Variants in CCDC51 observed in about 807,000 individuals in gnomAD.
CCDC51 encodes the protein mitochondrial potassium channel.
CCDC51 carries 25 observed loss-of-function variants against 24.8 expected under a neutral mutation model. The ratio of observed to expected loss-of-function variants is 1.01; its 90% CI spans 0.73 to 1.41. The LOEUF is 1.41. Among genes scored for constraint, CCDC51 ranks in the 40% most tolerant of loss-of-function variants. The probability of loss-of-function intolerance (pLI) is 0.00; values close to 1 mark genes in which losing one functional copy is unlikely to be tolerated. For missense variants in CCDC51, 466 were observed against 519.1 expected, an observed-to-expected ratio of 0.90 and a Z score of 0.99; for synonymous variants, 190 against 204.3, an observed-to-expected ratio of 0.93 and a Z score of 0.60.
At position 48,432,266 on chromosome 3, in the gene CCDC51, G is replaced by T; in HGVS notation, c.*142C>A. ...GAACCTTGTCTACAAAGCGAAGCATGCCTGCTGGTGAGCCACACAGATACT... is the reference window on the plus strand; with the variant it reads ...GAACCTTGTCTACAAAGCGAAGCATTCCTGCTGGTGAGCCACACAGATACT... On this transcript the variant is annotated 3_prime_UTR_variant, in exon 4 of 4. Coordinates refer to ENST00000395694, the MANE Select transcript of CCDC51 (RefSeq NM_001256964.2). 1 of 884,290 alleles carries T rather than the reference G, an allele frequency of 1.1e-6. No individual in the cohort carries two copies. The highest frequency in any genetic ancestry group is 1.7e-6 in the Non-Finnish European group (1 of 589,898). 54.8% of individuals were successfully genotyped at this position (884,290 alleles called of 1,614,324 possible). A position where few individuals can be genotyped will look rare whatever the true frequency, so the allele number is the denominator to read the frequency against.
At chr3:48,440,956 C>T (rs1426124727), upstream of CCDC51, 4 of 434,356 alleles carry the variant, frequency 9.2e-6, no homozygotes, top group East Asian at 9.1e-5. Context: ...TCTTTTGCCC[C>T]AAATTCGTAT....
chr3:48,446,099 C>T, the CCDC51 span, among the ~76,000 whole-genome samples: 399 of 152,164 alleles, frequency 2.6e-3, 3 homozygotes, highest in African/African-American at 9.0e-3. Flanking sequence ...ACTTCCTTGA[C>T]CTCCTGAGCC....
Position 48,435,833 on chromosome 3 carries a change from T to C in CCDC51, c.-8-697A>G, listed in dbSNP as rs1278066110. Among the ~76,000 whole-genome samples, 2 of 152,134 alleles carry C rather than the reference T, an allele frequency of 1.3e-5. No homozygotes were observed. Among genetic ancestry groups the C allele is most frequent in the Non-Finnish European group, 1.5e-5 (1 of 68,024 alleles). On this transcript the variant is annotated intron_variant, in intron 1 of 3. Transcript: ENST00000395694. This position sits in a 1 kb window ranked among gnomAD's most constrained non-coding sequence, Gnocchi z 4.2. ...GAGGACTTTTCTTAGGTTCACGCCA[T>C]ACAACTCCGCCCCCAGACTTTCCAG... is the stretch of plus-strand genomic sequence containing the variant.
rs1404075110 is a variant in CCDC51, at chr3:48,432,448, G to A, written c.1196C>T (p.Ala399Val). 1.9e-6 allele frequency: 3 copies of A among 1,614,112 alleles called. No homozygotes were observed. The highest frequency in any genetic ancestry group is 2.5e-6 in the Non-Finnish European group (3 of 1,180,058). ...TAGCATGTAGAGCACAGGCAGTGTG[G>A]CCACAAATGTCACACAGGTGACCAG... ...STLVTCVTFV[A>V]TLPVLYMLFK... is the part of the protein sequence containing the mutation. The change falls in exon 4 of 4, where the codon GCC becomes GTC. Residue 399 changes from alanine (A) to valine (V), a missense_variant. Transcript: ENST00000395694.
upstream of CCDC51, chr3:48,443,866 A>C (rs2039621099): frequency 3.2e-6 from 5 of 1,561,774 alleles, no homozygotes; most frequent in South Asian, 6.1e-5. Context: ...GGAATTAAGA[A>C]ATCTGGCAAA....
At position 48,432,905 on chromosome 3, in the gene CCDC51, C is replaced by A; in HGVS notation, c.739G>T (p.Ala247Ser). The change falls in exon 4 of 4, where the codon GCC (alanine) becomes TCC (serine). Residue 247 changes from alanine (A) to serine (S), a missense_variant. Physicochemically the swap from Ala to Ser is moderately conservative, Grantham distance 99 (BLOSUM62 1). Transcript: ENST00000395694. ...AQKGPVSLQE[A>S]IREQASSYSR... ...TAGCTAGACGCCTGTTCTCGAATGG[C>A]CTCTTGGAGACTCACAGGCCCCTTC... 1 of 1,614,034 alleles carries A rather than the reference C, an allele frequency of 6.2e-7. No homozygotes were observed. The highest frequency in any genetic ancestry group is 1.3e-5 in the African/African-American group (1 of 75,016).
rs1409522520 is a variant in CCDC51, at chr3:48,433,660, T to C, written c.477+47A>G. 6.3e-7 allele frequency: 1 copy of C among 1,584,298 alleles called. No homozygotes were observed. Among genetic ancestry groups the C allele is most frequent in the East Asian group, 2.2e-5 (1 of 44,478 alleles). On this transcript the variant is annotated intron_variant, in intron 3 of 3. Transcript: ENST00000395694. This position sits in a 1 kb window ranked among gnomAD's most constrained non-coding sequence, Gnocchi z 4.4. ...CCGGCCCCTCCATGATCTGCCAGGC[T>C]AGGGTCACTGTCCAGGTGCGAAAGG...
Position 48,433,687 on chromosome 3 carries a change from C to T in CCDC51, c.477+20G>A. ...GGGTCACTGTCCAGGTGCGAAAGGG[C>T]TGCCTCCTGAGGTGCCTACCTGCAG... On this transcript the variant is annotated intron_variant, in intron 3 of 3. Transcript: ENST00000395694. This position sits in a 1 kb window ranked among gnomAD's most constrained non-coding sequence, Gnocchi z 4.4. 1 of 1,606,408 alleles carries T rather than the reference C, an allele frequency of 6.2e-7. No individual in the cohort carries two copies. The highest frequency in any genetic ancestry group is 8.5e-7 in the Non-Finnish European group (1 of 1,175,254).
the CCDC51 span, among the ~76,000 whole-genome samples, chr3:48,445,631 C>T: frequency 6.6e-6 from 1 of 152,234 alleles, no homozygotes; most frequent in African/African-American, 2.4e-5. Flanking sequence ...GCATGCAACA[C>T]TTGGGAAGCT....
At chr3:48,441,237 G>C (rs970241816), upstream of CCDC51, among the ~76,000 whole-genome samples, 2 of 152,048 alleles carry the variant, frequency 1.3e-5, no homozygotes, top group Non-Finnish European at 2.9e-5. Flanking sequence ...GTAGAGATGG[G>C]GTTTCACCAT....
At chr3:48,434,458 T>C (rs2039288147) in intron 2 of CCDC51, among the ~76,000 whole-genome samples, 1 of 152,198 alleles carries the variant, frequency 6.6e-6, no homozygotes, top group African/African-American at 2.4e-5. Context: ...CACTGTGACA[T>C]TTCCTAGTGC....
At chr3:48,438,439 G>A (rs2039430424) in intron 1 of CCDC51, among the ~76,000 whole-genome samples, 1 of 151,964 alleles carries the variant, frequency 6.6e-6, no homozygotes, top group Admixed American at 6.6e-5. Flanking sequence ...AAAATCTAAT[G>A]GGGATCTCAT....
chr3:48,432,242 A>C lies in CCDC51; in HGVS notation c.*166T>G. ...AAAGTTTTGATAATTAATGTAAATG[A>C]ACCTTGTCTACAAAGCGAAGCATGC... On this transcript the variant is annotated 3_prime_UTR_variant, in exon 4 of 4. Transcript: ENST00000395694. 1.5e-6 allele frequency: 1 copy of C among 670,598 alleles called. No homozygotes were observed. Among genetic ancestry groups the C allele is most frequent in the Non-Finnish European group, 2.5e-6 (1 of 407,516 alleles). 41.5% of individuals were successfully genotyped at this position (670,598 alleles called of 1,614,324 possible).
chr3:48,434,451 T>C (rs2107129227), intron 2 of CCDC51, among the ~76,000 whole-genome samples: 1 of 152,328 alleles, frequency 6.6e-6, no homozygotes, highest in Non-Finnish European at 1.5e-5. Flanking sequence ...CACCTCACAC[T>C]GTGACATTTC....
rs1159871258 is a variant in CCDC51 at position 48,433,341 on chromosome 3, G to A, written c.478-175C>T. The stretch of plus-strand genomic sequence containing the variant: ...TGGGTCAGAAGGGCAAAGGAATTGG[G>A]AGTGATCAAAGTGAGTTGCATGATC... On this transcript the variant is annotated intron_variant, in intron 3 of 3. Transcript: ENST00000395694. The surrounding 1 kb of genome is among the most constrained non-coding windows in gnomAD (Gnocchi z 4.4). Among the ~76,000 whole-genome samples, 1 of 152,212 alleles carries A rather than the reference G, an allele frequency of 6.6e-6. No homozygotes were observed. The highest frequency in any genetic ancestry group is 1.9e-4 in the East Asian group (1 of 5,200).
upstream of CCDC51, chr3:48,440,797 G>T (rs898926227): frequency 6.1e-6 from 4 of 657,238 alleles, no homozygotes; most frequent in African/African-American, 7.3e-5. Context: ...CGGCAGTAAG[G>T]GCCGGGAGCT....
Position 48,433,810 on chromosome 3 carries a change from A to T in CCDC51, c.374T>A (p.Val125Asp), listed in dbSNP as rs1172523777. ...CACCTCCTTCAGCTTGGCCTGGTGA[A>T]CTTCCAAGTCCTCCCGAGCCTCTCG... ...LVREAREDLE[V>D]HQAKLKEVRD... Residue 125 changes from valine to aspartate, a missense_variant, in exon 3 of 4, where the codon GTT (valine) becomes GAT (aspartate). Transcript: ENST00000395694. The surrounding 1 kb of genome is among the most constrained non-coding windows in gnomAD (Gnocchi z 4.4). 6.2e-7 allele frequency: 1 copy of T among 1,613,942 alleles called. No homozygotes were observed. Among genetic ancestry groups the T allele is most frequent in the Non-Finnish European group, 8.5e-7 (1 of 1,179,972 alleles).
Position 48,434,969 on chromosome 3 carries a change from G to A in CCDC51, c.160C>T (p.Leu54=). 6.2e-7 allele frequency: 1 copy of A among 1,614,232 alleles called. No homozygotes were observed. The highest frequency in any genetic ancestry group is 8.5e-7 in the Non-Finnish European group (1 of 1,180,048). ...PGEKRPEEVA[L]GLHHRLPALG... ...GCTGGGAGGCGGTGGTGCAGCCCCA[G>A]GGCCACCTCCTCAGGTCTTTTCTCT... The change falls in exon 2 of 4, where the codon CTG becomes TTG. Residue 54 remains leucine (L), a synonymous_variant. Coordinates refer to ENST00000395694, the MANE Select transcript of CCDC51 (RefSeq NM_001256964.2).
chr3:48,433,807 T>A lies in CCDC51; in HGVS notation c.377A>T (p.His126Leu), dbSNP rs1479458195. Residue 126 changes from histidine to leucine, a missense_variant, in exon 3 of 4, where the codon CAC (histidine) becomes CTC (leucine). Physicochemically the swap from His to Leu is moderately conservative, Grantham distance 99 (BLOSUM62 -3). Transcript: ENST00000395694. The surrounding 1 kb of genome is among the most constrained non-coding windows in gnomAD (Gnocchi z 4.4). ...CCTCACCTCCTTCAGCTTGGCCTGG[T>A]GAACTTCCAAGTCCTCCCGAGCCTC... ...VREAREDLEV[H>L]QAKLKEVRDR... 1.9e-6 allele frequency: 3 copies of A among 1,613,864 alleles called. No individual in the cohort carries two copies. The African/African-American group carries it at 4.0e-5, about 22-fold the overall frequency.
Sources: gnomAD v4.1 joint callset for allele counts (sites outside exome capture counted in the v4.1 genomes callset) on GRCh38, gnomAD v4.1.1 for gene constraint, Gnocchi (gnomAD v3.1) non-coding constraint, MANE v1.5 for transcripts, NCBI Gene and HGNC (gene_info 2026-07-23, HGNC 2026-07-21) for gene names.